ZNF536: variants seen among roughly 807,000 people sequenced by gnomAD.
The protein encoded by ZNF536 is zinc finger protein 536.
In ZNF536, 13 loss-of-function variants were observed where a neutral mutation model predicts 84.5. The observed-to-expected ratio is 0.15, with a 90% CI of 0.10 to 0.24. The LOEUF is 0.24. Ranked by LOEUF, ZNF536 falls within the 10% of genes least tolerant of loss-of-function variation. The probability of loss-of-function intolerance (pLI) is 1.00; values close to 1 mark genes in which losing one functional copy is unlikely to be tolerated. For synonymous variants in ZNF536, 811 were observed against 742.5 expected (o/e 1.09, Z -1.50); for missense variants, 1,536 against 1,747.5 (o/e 0.88, Z 2.16).
intron 2 of ZNF536, among the ~76,000 whole-genome samples, chr19:30,455,775 A>G (rs952418955): frequency 6.6e-6 from 1 of 152,210 alleles, no homozygotes; most frequent in Admixed American, 6.5e-5. Flanking sequence ...TGTACAATAG[A>G]TTATTGTTAA....
intron 1 of ZNF536, among the ~76,000 whole-genome samples, chr19:30,572,422 G>C (rs930731106): frequency 3.3e-5 from 5 of 152,182 alleles, no homozygotes; most frequent in Non-Finnish European, 7.3e-5. Flanking sequence ...CTTGTGCTGT[G>C]TGGACGGCCA....
intron 1 of ZNF536, among the ~76,000 whole-genome samples, chr19:30,268,742 T>C (rs2145418810): frequency 6.6e-6 from 1 of 152,356 alleles, no homozygotes; most frequent in East Asian, 1.9e-4. Flanking sequence ...AATTGGAGAA[T>C]GAAGCGAACA....
At chr19:30,701,855 T>C in intron 1 of ZNF536, among the ~76,000 whole-genome samples, 1 of 152,244 alleles carries the variant, frequency 6.6e-6, no homozygotes, top group East Asian at 1.9e-4. Flanking sequence ...CATATCTCCC[T>C]ACTGACAGTC....
chr19:30,484,427 A>AG (rs2144937976), intron 2 of ZNF536, among the ~76,000 whole-genome samples: 1 of 142,884 alleles, frequency 7.0e-6, no homozygotes, highest in East Asian at 2.0e-4. Context: ...TAGTAGAGAC[A>AG]GGGTTTCACC....
chr19:30,269,005 A>G (rs1180211045), intron 1 of ZNF536, among the ~76,000 whole-genome samples: 5 of 152,248 alleles, frequency 3.3e-5, no homozygotes, highest in African/African-American at 4.8e-5. Flanking sequence ...TGGAAAAACA[A>G]CTAGTGATAC....
intron 2 of ZNF536, among the ~76,000 whole-genome samples, chr19:30,478,054 C>A (rs1185250818): frequency 6.6e-6 from 1 of 152,088 alleles, no homozygotes; most frequent in African/African-American, 2.4e-5. Flanking sequence ...CTCTGCAGAC[C>A]TCGGCGTCCT....
intron 2 of ZNF536, among the ~76,000 whole-genome samples, chr19:30,322,609 T>A (rs1198178748): frequency 6.6e-6 from 1 of 152,198 alleles, no homozygotes; most frequent in African/African-American, 2.4e-5. Flanking sequence ...TAAGGAACCA[T>A]CCTTTTCCCG....
rs190699114 is a variant in ZNF536, at chr19:30,661,207, G to A, written c.170-49550G>A. 1.6e-3 allele frequency among the ~76,000 whole-genome samples: 249 copies of A among 152,246 alleles called. 1 individual carries two copies. Among genetic ancestry groups the A allele is most frequent in the African/African-American group, 5.7e-3 (238 of 41,534 alleles). On this transcript the variant is annotated intron_variant, in intron 1 of 1. Transcript: ENST00000592773. ...ATCTTTTCTGCTCTGCTTTGCTCTG[G>A]TTTACTTCTCTAGACTCTTCTTAGG...
At chr19:30,297,308 C>T (rs1161134646) in intron 2 of ZNF536, among the ~76,000 whole-genome samples, 1 of 152,136 alleles carries the variant, frequency 6.6e-6, no homozygotes, top group Admixed American at 6.5e-5. Context: ...ATAATCCCTT[C>T]GTATGCCTGG....
intron 1 of ZNF536, among the ~76,000 whole-genome samples, chr19:30,607,852 G>C (rs537038980): frequency 6.6e-6 from 1 of 151,918 alleles, no homozygotes; most frequent in Non-Finnish European, 1.5e-5. Context: ...TCATACAATA[G>C]GTATTTTCTG....
chr19:30,322,756 A>G (rs1737696902), intron 2 of ZNF536, among the ~76,000 whole-genome samples: 1 of 150,968 alleles, frequency 6.6e-6, no homozygotes, highest in Non-Finnish European at 1.5e-5. Flanking sequence ...CCCTCCATTC[A>G]CAGCCCTCCT....
In ZNF536 at chr19:30,698,338, G is replaced by A. The variant is rs370429837; in HGVS notation, c.170-12419G>A. 2.6e-5 allele frequency among the ~76,000 whole-genome samples: 4 copies of A among 151,832 alleles called. No homozygotes were observed. In the South Asian group the frequency reaches 8.3e-4, roughly 32 times the overall value. On this transcript the variant is annotated intron_variant, in intron 1 of 1. Coordinates refer to the ZNF536 transcript ENST00000592773. ...ATAGATAATACAGAGAACTCTCATA[G>A]ATTTCACCGCCATTTCCCACTATTA...
At chr19:30,658,747 T>C (rs2050012660) in intron 1 of ZNF536, among the ~76,000 whole-genome samples, 1 of 152,194 alleles carries the variant, frequency 6.6e-6, no homozygotes, top group Admixed American at 6.5e-5. Flanking sequence ...TCCCACCGAA[T>C]TGAAAACTCT....
At position 30,384,182 on chromosome 19, in the gene ZNF536, T is replaced by TCC. The variant is rs1186173507; in HGVS notation, c.-3+11626_-3+11627insCC. 7.3e-5 allele frequency among the ~76,000 whole-genome samples: 6 copies of TCC among 82,578 alleles called. 1 individual carries two copies. The highest frequency in any genetic ancestry group is 1.4e-4 in the Non-Finnish European group (5 of 36,300). The allele number at this position is 82,578 out of a possible 152,430, so 54.2% of individuals were successfully genotyped here. A position where few individuals can be genotyped will look rare whatever the true frequency, so the allele number is the denominator to read the frequency against. On this transcript the variant is annotated intron_variant, in intron 1 of 4. Coordinates refer to ENST00000355537, the MANE Select transcript of ZNF536 (RefSeq NM_014717.3). ...TTTCTTTCGTTTCCTTCTTTCTTTC[T>TCC]TTCTCCTTCCTTCCTTCCTTCCATC...
intron 1 of ZNF536, among the ~76,000 whole-genome samples, chr19:30,418,798 G>A (rs949309976): frequency 1.3e-5 from 2 of 152,106 alleles, no homozygotes; most frequent in Admixed American, 6.6e-5. Flanking sequence ...TACTTGAATT[G>A]TTATAATGGT....
chr19:30,508,123 AAAGGGGATGGGGCT>A (rs1350070333), intron 2 of ZNF536, among the ~76,000 whole-genome samples: 4 of 152,198 alleles, frequency 2.6e-5, no homozygotes, highest in African/African-American at 9.6e-5. Flanking sequence ...ATTGCTCAGC[AAAGGGGATGGGGCT>A]GTCGGCTCCC....
At chr19:30,331,364 A>G (rs1479122554) in intron 2 of ZNF536, among the ~76,000 whole-genome samples, 1 of 149,640 alleles carries the variant, frequency 6.7e-6, no homozygotes, top group Non-Finnish European at 1.5e-5. Flanking sequence ...TTCTTACTAG[A>G]TAATTACTGA....
intron 2 of ZNF536, among the ~76,000 whole-genome samples, chr19:30,501,851 T>A (rs1388827403): frequency 6.6e-6 from 1 of 152,200 alleles, no homozygotes; most frequent in Non-Finnish European, 1.5e-5. Context: ...GCGATGACCT[T>A]GAGCAGTAGG....
At chr19:30,274,276 A>G (rs933132691) in intron 1 of ZNF536, among the ~76,000 whole-genome samples, 2 of 152,242 alleles carry the variant, frequency 1.3e-5, no homozygotes, top group African/African-American at 4.8e-5. Flanking sequence ...GAAATGCCAG[A>G]TTATTTTGCT....
Sources: gnomAD v4.1 joint callset for allele counts (sites outside exome capture counted in the v4.1 genomes callset) on GRCh38, gnomAD v4.1.1 for gene constraint, MANE v1.5 for transcripts, NCBI Gene and HGNC (gene_info 2026-07-23, HGNC 2026-07-21) for gene names.